Variants in SIDT2 observed in about 807,000 individuals in gnomAD.
The protein encoded by SIDT2 is SID1 transmembrane family, member 2.
SIDT2 carries 68 observed loss-of-function variants against 114.4 expected under a neutral mutation model. The observed-to-expected ratio is 0.59, with a 90% CI of 0.49 to 0.73. SIDT2 has a LOEUF of 0.73. SIDT2 is among the 30% of genes least tolerant of loss of function. SIDT2 has a pLI of 0.00. For synonymous variants in SIDT2, 470 were observed against 438.4 expected, an observed-to-expected ratio of 1.07 and a Z score of -0.90; for missense variants, 918 against 1,097.1, an observed-to-expected ratio of 0.84 and a Z score of 2.31.
intron 24 of SIDT2, 46 bp from the exon 25 acceptor site, chr11:117,195,756 C>T (rs1294681378): frequency 6.2e-7 from 1 of 1,606,780 alleles, no homozygotes; most frequent in Admixed American, 1.7e-5. Flanking sequence ...GGCCCTTGCC[C>T]TGCCAGAGCA....
At position 117,186,208 on chromosome 11, in the gene SIDT2, G is replaced by A; in HGVS notation, c.947G>A (p.Cys316Tyr). Residue 316 changes from cysteine (C) to tyrosine (Y), a missense_variant, in exon 9 of 26, where the codon TGC (cysteine) becomes TAC (tyrosine). Coordinates refer to ENST00000324225, the MANE Select transcript of SIDT2 (RefSeq NM_001040455.2). ...SFYLLTVLLA[C>Y]WENWRQKKKT... ...TACCTGCTGACCGTCCTCCTGGCCT[G>A]CTGGGAGAACTGGAGGTAAAGTGGA... 1 of 1,614,098 alleles carries A rather than the reference G, an allele frequency of 6.2e-7. No individual in the cohort carries two copies. The highest frequency in any genetic ancestry group is 1.1e-5 in the South Asian group (1 of 91,070).
In SIDT2 at chr11:117,188,925, G is replaced by A. The variant is rs2030601041; in HGVS notation, c.1278+99G>A. 1.6e-6 allele frequency: 2 copies of A among 1,256,530 alleles called. No homozygotes were observed. The highest frequency in any genetic ancestry group is 1.7e-5 in the Admixed American group (1 of 59,132). 77.8% of individuals were successfully genotyped at this position (1,256,530 alleles called of 1,614,324 possible). On this transcript the variant is annotated intron_variant, in intron 13 of 25. Transcript: ENST00000324225. This position sits in a 1 kb window ranked among gnomAD's most constrained non-coding sequence, Gnocchi z 4.0. Reference sequence around the variant, plus strand: ...TCCCACTGACGTGGCATTTAGGGAAGCAGAAGGAAGGGGCTCAGCTGGGGC... The same window carrying A: ...TCCCACTGACGTGGCATTTAGGGAAACAGAAGGAAGGGGCTCAGCTGGGGC...
At position 117,181,838 on chromosome 11, in the gene SIDT2, G is replaced by T. The variant is rs1349966220; in HGVS notation, c.337G>T (p.Glu113Ter). Reference protein sequence around the residue: ...FQRKYLYQKVERTLCQPPTKN... With the variant: ...FQRKYLYQKV The stretch of plus-strand genomic sequence containing the variant: ...GCGCAAGTACCTCTACCAAAAAGTG[G>T]AACGAACCCTGTGTCAGCCCCCCAC... Residue 113 changes from glutamate to a stop codon, truncating the protein, a stop_gained, in exon 3 of 26, where the codon GAA (glutamate) becomes TAA (stop). Transcript: ENST00000324225. LOFTEE classifies it high-confidence loss of function. 2 of 1,614,048 alleles carry T rather than the reference G, an allele frequency of 1.2e-6. No homozygotes were observed. Among genetic ancestry groups the T allele is most frequent in the Non-Finnish European group, 1.7e-6 (2 of 1,180,036 alleles).
At chr11:117,184,220 T>C in intron 8 of SIDT2, 81 bp downstream of exon 8, 1 of 1,372,654 alleles carries the variant, frequency 7.3e-7, no homozygotes, top group African/African-American at 1.4e-5. Context: ...GGGTGTGCCC[T>C]GAAGTGGGTG....
chr11:117,192,813 C>T lies in SIDT2; in HGVS notation c.2059-7C>T, dbSNP rs1209542828. ...CCCTCAGTCCCTGTGTCCCTGCTTC[C>T]CTCCAGGACCGCATGGTGCTGCTGG... On this transcript the variant is annotated splice_region_variant and splice_polypyrimidine_tract_variant and intron_variant, in intron 21 of 25. Coordinates refer to ENST00000324225, the MANE Select transcript of SIDT2 (RefSeq NM_001040455.2). The surrounding 1 kb of genome is among the most constrained non-coding windows in gnomAD (Gnocchi z 5.9). 8 of 1,614,046 alleles carry T rather than the reference C, an allele frequency of 5.0e-6. No homozygotes were observed. The South Asian group carries it at 5.5e-5, about 11-fold the overall frequency.
intron 8 of SIDT2, chr11:117,185,867 G>C: frequency 3.1e-6 from 1 of 319,728 alleles, no homozygotes; most frequent in Non-Finnish European, 5.4e-6. Context: ...GAGTGAGCCC[G>C]TCTCAAAAAA....
intron 24 of SIDT2, 136 bp from the exon 25 acceptor site, chr11:117,195,666 C>G (rs2030870919): frequency 7.2e-6 from 6 of 829,742 alleles, no homozygotes; most frequent in Admixed American, 6.1e-5. Flanking sequence ...GGGACAAGGA[C>G]AAGGGACAGG....
intron 6 of SIDT2, among the ~76,000 whole-genome samples, chr11:117,183,223 T>G (rs2030364242): frequency 6.6e-6 from 1 of 151,596 alleles, no homozygotes; most frequent in African/African-American, 2.4e-5. Context: ...CGCATGCCTG[T>G]AATCCCAGCT....
rs752983568 is a variant in SIDT2, at chr11:117,179,225, C to T, written c.-39C>T. The T allele has an allele frequency of 1.7e-5, 27 of 1,591,244 alleles. No homozygotes were observed. The Admixed American group carries it at 4.8e-4, about 28-fold the overall frequency. On this transcript the variant is annotated 5_prime_UTR_variant, in exon 1 of 26. Coordinates refer to ENST00000324225, the MANE Select transcript of SIDT2 (RefSeq NM_001040455.2). ...GTGTCCTGTCTCCTGTCGCCGCCGC[C>T]GCCGCCACCACCGCTGCCACTGCCG...
rs1020691350 is a variant in SIDT2 at position 117,196,475 on chromosome 11, T to C, written c.*409T>C. 2.1e-5 allele frequency: 5 copies of C among 234,630 alleles called. No homozygotes were observed. Among genetic ancestry groups the C allele is most frequent in the African/African-American group, 1.1e-4 (5 of 44,136 alleles). The allele number at this position is 234,630 out of a possible 1,614,324, so 14.5% of individuals were successfully genotyped here. The stretch of plus-strand genomic sequence containing the variant: ...CCCAGCCTGGGACCTAAGGCCTCTT[T>C]TTCCTCCCATACTCCCACTCCAGGG... On this transcript the variant is annotated 3_prime_UTR_variant, in exon 26 of 26. Transcript: ENST00000324225. The surrounding 1 kb of genome is among the most constrained non-coding windows in gnomAD (Gnocchi z 4.9).
chr11:117,189,352 C>A lies in SIDT2; in HGVS notation c.1370C>A (p.Ala457Asp), dbSNP rs777933532. 2 of 1,614,228 alleles carry A rather than the reference C, an allele frequency of 1.2e-6. No individual in the cohort carries two copies. The highest frequency in any genetic ancestry group is 1.7e-6 in the Non-Finnish European group (2 of 1,180,036). Residue 457 changes from alanine to aspartate, a missense_variant, in exon 15 of 26, where the codon GCT becomes GAT. Transcript: ENST00000324225. ...QIYFWNIATI[A>D]VFYALPVVQL... is the part of the protein sequence containing the mutation. ...CTCCGCAGGAACATTGCCACCATTG[C>A]TGTCTTCTATGCCCTTCCTGTGGTG...
Position 117,188,834 on chromosome 11 carries a change from C to G in SIDT2, c.1278+8C>G. The G allele has an allele frequency of 6.2e-7, 1 of 1,612,610 alleles. No homozygotes were observed. Among genetic ancestry groups the G allele is most frequent in the Non-Finnish European group, 8.5e-7 (1 of 1,178,552 alleles). ...AATGTCATTCGCACCAAGGTCTGAC[C>G]CGTGGGCCTGGCCTGGTCAGGCGTT... On this transcript the variant is annotated splice_region_variant and intron_variant, in intron 13 of 25. Transcript: ENST00000324225. This position sits in a 1 kb window ranked among gnomAD's most constrained non-coding sequence, Gnocchi z 4.0.
At position 117,179,765 on chromosome 11, in the gene SIDT2, G is replaced by A. The variant is rs1024148696; in HGVS notation, c.183+319G>A. ...CCCCAGAATCTGACAGCTCTGTGGGGTCTCGGTGGGAGAGGAAACAGGCTT... is the reference window on the plus strand; with the variant it reads ...CCCCAGAATCTGACAGCTCTGTGGGATCTCGGTGGGAGAGGAAACAGGCTT... On this transcript the variant is annotated intron_variant, in intron 1 of 25. Transcript: ENST00000324225. The A allele has an allele frequency of 2.6e-4, 65 of 252,548 alleles. 1 individual carries two copies. Among genetic ancestry groups the A allele is most frequent in the Middle Eastern group, 2.4e-3 (2 of 836 alleles). The allele number at this position is 252,548 out of a possible 1,614,324, so 15.6% of individuals were successfully genotyped here.
At chr11:117,186,251 G>A in intron 9 of SIDT2, 28 bp downstream of exon 9, 1 of 1,605,748 alleles carries the variant, frequency 6.2e-7, no homozygotes, top group Non-Finnish European at 8.5e-7. Flanking sequence ...GGCCTCCCCT[G>A]GTCTGGGTGG....
At position 117,181,591 on chromosome 11, in the gene SIDT2, T is replaced by C. The variant is rs2030287138; in HGVS notation, c.305+54T>C. ...GGGGCAGCCTAGGCCAGTCCTTGGC[T>C]GGAGCCTCAACCAGGAGCCCCCCCA... is the stretch of plus-strand genomic sequence containing the variant. On this transcript the variant is annotated intron_variant, in intron 2 of 25. Transcript: ENST00000324225. The C allele has an allele frequency of 2.2e-5, 35 of 1,608,720 alleles. 1 individual carries two copies. The South Asian group carries it at 3.5e-4, about 16-fold the overall frequency.
Position 117,192,670 on chromosome 11 carries a change from G to A in SIDT2, c.2058+20G>A. ...TACGTGGTACCTGCCTGGTTCCCCT[G>A]CTCCATTCTCCACATCTCCTTTCTT... On this transcript the variant is annotated intron_variant, in intron 21 of 25. Coordinates refer to ENST00000324225, the MANE Select transcript of SIDT2 (RefSeq NM_001040455.2). This position sits in a 1 kb window ranked among gnomAD's most constrained non-coding sequence, Gnocchi z 5.9. 1 of 1,612,876 alleles carries A rather than the reference G, an allele frequency of 6.2e-7. No individual in the cohort carries two copies. Among genetic ancestry groups the A allele is most frequent in the Non-Finnish European group, 8.5e-7 (1 of 1,179,988 alleles).
In SIDT2 at chr11:117,192,296, A is replaced by T; in HGVS notation, c.1915A>T (p.Ile639Phe). 1 of 1,612,976 alleles carries T rather than the reference A, an allele frequency of 6.2e-7. No individual in the cohort carries two copies. Among genetic ancestry groups the T allele is most frequent in the Non-Finnish European group, 8.5e-7 (1 of 1,179,072 alleles). Residue 639 changes from isoleucine to phenylalanine, a missense_variant, in exon 20 of 26, where the codon ATC becomes TTC. Physicochemically the swap from Ile to Phe is conservative, Grantham distance 21. Around this residue, in one of 4 missense-constraint regions of SIDT2, gnomAD observed 275 missense variants for 397.6 expected, o/e 0.69. Coordinates refer to ENST00000324225, the MANE Select transcript of SIDT2 (RefSeq NM_001040455.2). This position sits in a 1 kb window ranked among gnomAD's most constrained non-coding sequence, Gnocchi z 5.9. ...CACGGCGTTCTGGATCGTCTTCTCC[A>T]TCATTCACATCATCGCCACCCTGCT... ...GNTAFWIVFS[I>F]IHIIATLLLS...
chr11:117,182,309 T>C, intron 4 of SIDT2: 1 of 723,422 alleles, frequency 1.4e-6, no homozygotes, highest in Non-Finnish European at 2.3e-6. Flanking sequence ...GTTGCCTCTC[T>C]GGCATTCTGC....
chr11:117,182,703 C>A lies in SIDT2; in HGVS notation c.619-20C>A. The A allele has an allele frequency of 6.2e-7, 1 of 1,613,958 alleles. No homozygotes were observed. Among genetic ancestry groups the A allele is most frequent in the Non-Finnish European group, 8.5e-7 (1 of 1,179,822 alleles). On this transcript the variant is annotated intron_variant, in intron 5 of 25. Transcript: ENST00000324225. ...GGCAGGCCAGGTTCCCATCCATCTG[C>A]CTCTCCCGCCCCTCTGCAGTGTCCT...
Sources: gnomAD v4.1 joint callset for allele counts (sites outside exome capture counted in the v4.1 genomes callset) on GRCh38, gnomAD v4.1.1 for gene constraint, gnomAD v4.1.1 regional missense constraint, Gnocchi (gnomAD v3.1) non-coding constraint, MANE v1.5 for transcripts, NCBI Gene and HGNC (gene_info 2026-07-23, HGNC 2026-07-21) for gene names.